Variants in RGS6 observed in about 807,000 individuals in gnomAD.
RGS6 encodes the protein regulator of G protein signaling 6.
A neutral mutation model predicts 78.5 loss-of-function variants in RGS6; 30 were observed. That is an observed-to-expected ratio of 0.38 (90% CI 0.29 to 0.52). The LOEUF is 0.52. Ranked by LOEUF, RGS6 falls within the 20% of genes least tolerant of loss-of-function variation. RGS6 has a pLI of 0.85. For synonymous variants in RGS6, 206 were observed against 206.0 expected (o/e 1.00, Z 0.00); for missense variants, 495 against 609.7 (o/e 0.81, Z 1.98).
chr14:72,511,058 C>T (rs570627573), intron 14 of RGS6, among the ~76,000 whole-genome samples: 2 of 152,214 alleles, frequency 1.3e-5, no homozygotes, highest in Non-Finnish European at 2.9e-5. Context: ...TTTATTTAGA[C>T]TTTTATGGTA....
At chr14:72,466,608 T>G (rs2095920557) in intron 7 of RGS6, among the ~76,000 whole-genome samples, 1 of 152,186 alleles carries the variant, frequency 6.6e-6, no homozygotes, top group African/African-American at 2.4e-5. Context: ...CCAAGAACAT[T>G]ATGTTGGGTG....
At chr14:72,355,597 C>T (rs2080100804) in intron 3 of RGS6, among the ~76,000 whole-genome samples, 1 of 152,068 alleles carries the variant, frequency 6.6e-6, no homozygotes, top group Admixed American at 6.6e-5. Context: ...ATAAAAAGTT[C>T]TACCCTCATG....
intron 2 of RGS6, among the ~76,000 whole-genome samples, chr14:72,304,551 A>C (rs1406299242): frequency 6.6e-6 from 1 of 152,182 alleles, no homozygotes; most frequent in African/African-American, 2.4e-5. Flanking sequence ...ATTACAAGTA[A>C]AGTATGGGTC....
chr14:72,583,181 A>T, the RGS6 span, among the ~76,000 whole-genome samples: 1 of 152,182 alleles, frequency 6.6e-6, no homozygotes, highest in Non-Finnish European at 1.5e-5. Context: ...TAACACCACC[A>T]GCCCTCCTGC....
At chr14:72,511,507 C>T (rs1162569032) in intron 14 of RGS6, 3 of 152,190 alleles carry the variant, frequency 2.0e-5, no homozygotes, top group Non-Finnish European at 2.9e-5. Flanking sequence ...GAGGAAAAAA[C>T]ACAAGAAATG....
chr14:72,458,848 G>T (rs776529082), intron 5 of RGS6, among the ~76,000 whole-genome samples: 1 of 152,106 alleles, frequency 6.6e-6, no homozygotes, highest in Non-Finnish European at 1.5e-5. Context: ...ACCTGTGAGG[G>T]CTTCAAAGGC....
At chr14:72,606,596 A>G in the RGS6 span, among the ~76,000 whole-genome samples, 2 of 152,234 alleles carry the variant, frequency 1.3e-5, no homozygotes, top group African/African-American at 4.8e-5. Context: ...GAAAAAGCAG[A>G]GGAAGGCCGT....
chr14:72,506,458 A>G (rs998430632), intron 13 of RGS6, among the ~76,000 whole-genome samples: 4 of 152,250 alleles, frequency 2.6e-5, no homozygotes, highest in African/African-American at 7.2e-5. Context: ...TTTTATAACC[A>G]TAAGAGACCA....
chr14:72,410,268 G>A lies in RGS6; in HGVS notation c.185-44260G>A, dbSNP rs1022367001. Among the ~76,000 whole-genome samples the A allele has an allele frequency of 2.0e-4, 30 of 152,046 alleles. 1 individual carries two copies. Among genetic ancestry groups the A allele is most frequent in the South Asian group, 1.9e-3 (9 of 4,806 alleles). On this transcript the variant is annotated intron_variant, in intron 3 of 17. Transcript: ENST00000553525. ...AATGATTGCCATTCTAACTGGTGTGGGATGGATGGTATCTCATTGTGGTTT... is the reference window on the plus strand; with the variant it reads ...AATGATTGCCATTCTAACTGGTGTGAGATGGATGGTATCTCATTGTGGTTT...
chr14:72,090,591 C>G lies in RGS6; in HGVS notation c.84+125716C>G, dbSNP rs111380704. Reference sequence around the variant, plus strand: ...TTCATCCCAAAATGGTCTCTCCCGACTCCCCACTATCCATGGACAAATCGT... The same window carrying G: ...TTCATCCCAAAATGGTCTCTCCCGAGTCCCCACTATCCATGGACAAATCGT... On this transcript the variant is annotated intron_variant, in intron 2 of 17. Transcript: ENST00000553525. Among the ~76,000 whole-genome samples, 426 of 152,366 alleles carry G rather than the reference C, an allele frequency of 2.8e-3. 1 individual carries two copies. Among genetic ancestry groups the G allele is most frequent in the Middle Eastern group, 6.8e-3 (2 of 294 alleles).
intron 2 of RGS6, among the ~76,000 whole-genome samples, chr14:72,052,653 G>GT (rs1264986595): frequency 8.4e-5 from 1 of 11,964 alleles, no homozygotes; most frequent in Non-Finnish European, 1.5e-4. Context: ...TTTTCTTACT[G>GT]AATTTTTTAA....
the RGS6 span, among the ~76,000 whole-genome samples, chr14:72,575,219 G>A: frequency 6.6e-6 from 1 of 152,154 alleles, no homozygotes; most frequent in Non-Finnish European, 1.5e-5. Flanking sequence ...TCTGGGGTGT[G>A]CCATGGGGTA....
rs371572713 is a variant in RGS6 at position 72,536,292 on chromosome 14, C to T, written c.1368+17C>T. The T allele has an allele frequency of 8.4e-4, 1,337 of 1,597,146 alleles. 3 individuals carry two copies. Among genetic ancestry groups the T allele is most frequent in the Admixed American group, 1.5e-3 (88 of 59,944 alleles). ...AAGAAGAAGGTATCTTTGGGAAGGGCAGGCTTGCTCTTAGCACTGTTGACT... is the reference window on the plus strand; with the variant it reads ...AAGAAGAAGGTATCTTTGGGAAGGGTAGGCTTGCTCTTAGCACTGTTGACT... On this transcript the variant is annotated intron_variant, in intron 16 of 17. Coordinates refer to ENST00000553525, the MANE Select transcript of RGS6 (RefSeq NM_001204424.2).
At chr14:72,529,453 C>A (rs2097155706) in intron 15 of RGS6, among the ~76,000 whole-genome samples, 1 of 152,156 alleles carries the variant, frequency 6.6e-6, no homozygotes, top group African/African-American at 2.4e-5. Flanking sequence ...TCTTTCTCCC[C>A]ACACCATCCT....
chr14:71,931,171 TA>T (rs771015918), upstream of RGS6, among the ~76,000 whole-genome samples: 1 of 152,146 alleles, frequency 6.6e-6, no homozygotes, highest in South Asian at 2.1e-4. Context: ...ATTTCAGCTT[TA>T]ATAAACAACT....
At chr14:71,921,008 C>G in the RGS6 span, among the ~76,000 whole-genome samples, 9 of 152,056 alleles carry the variant, frequency 5.9e-5, no homozygotes, top group East Asian at 1.7e-3. Context: ...AACTCAATAG[C>G]AAGAAAATAA....
intron 12 of RGS6, among the ~76,000 whole-genome samples, chr14:72,483,975 A>C (rs564449528): frequency 1.3e-5 from 2 of 152,004 alleles, no homozygotes; most frequent in Admixed American, 1.3e-4. Flanking sequence ...AGTGAAAAAA[A>C]AAAAGCTAGA....
At chr14:72,015,689 A>G (rs2153233424) in intron 2 of RGS6, among the ~76,000 whole-genome samples, 1 of 152,364 alleles carries the variant, frequency 6.6e-6, no homozygotes, top group South Asian at 2.1e-4. Flanking sequence ...TCTCCAAAGC[A>G]GTTGTAATTA....
intron 2 of RGS6, among the ~76,000 whole-genome samples, chr14:72,134,881 T>C (rs550373489): frequency 6.6e-6 from 1 of 152,276 alleles, no homozygotes; most frequent in African/African-American, 2.4e-5. Flanking sequence ...CACCTTTTCA[T>C]TGTATTCAGG....
Sources: gnomAD v4.1 joint callset for allele counts (sites outside exome capture counted in the v4.1 genomes callset) on GRCh38, gnomAD v4.1.1 for gene constraint, MANE v1.5 for transcripts, NCBI Gene and HGNC (gene_info 2026-07-23, HGNC 2026-07-21) for gene names.